Variants in NTRK3 observed in about 807,000 individuals in gnomAD.
NTRK3 encodes neurotrophic receptor tyrosine kinase 3, also known as NT-3 growth factor receptor.
NTRK3 carries 24 observed loss-of-function variants against 91.7 expected under a neutral mutation model. The observed-to-expected ratio is 0.26, with a 90% CI of 0.19 to 0.37. The LOEUF is 0.37. Ranked by LOEUF, NTRK3 falls within the 10% of genes least tolerant of loss-of-function variation. The probability of loss-of-function intolerance (pLI) is 1.00; values close to 1 mark genes in which losing one functional copy is unlikely to be tolerated. For synonymous variants in NTRK3, 483 were observed against 404.0 expected, an observed-to-expected ratio of 1.20 and a Z score of -2.34; for missense variants, 880 against 1,068.9, an observed-to-expected ratio of 0.82 and a Z score of 2.46.
At chr15:88,253,163 A>C (rs1479768557) in intron 3 of NTRK3, 2 of 152,228 alleles carry the variant, frequency 1.3e-5, no homozygotes, top group Non-Finnish European at 2.9e-5. Context: ...ACCAGCATCA[A>C]GAGCTTCAGG....
chr15:87,931,610 T>C (rs1219581837), intron 16 of NTRK3, among the ~76,000 whole-genome samples: 1 of 152,216 alleles, frequency 6.6e-6, no homozygotes, highest in Admixed American at 6.5e-5. Flanking sequence ...ATCTGTCTTA[T>C]GCTAAAGACA....
chr15:87,867,350 G>A, exon 19 of NTRK3: 1 of 228,706 alleles, frequency 4.4e-6, no homozygotes, highest in East Asian at 6.2e-5. Context: ...GTGGGGAGCA[G>A]GGAATGGACA....
At chr15:87,874,659 T>A (rs1436801752) in exon 19 of NTRK3, 2 of 232,594 alleles carry the variant, frequency 8.6e-6, no homozygotes, top group Non-Finnish European at 1.7e-5. Context: ...GCATTGGTGC[T>A]TCACTTCTAA....
At chr15:87,993,439 G>T (rs1238773716) in intron 14 of NTRK3, among the ~76,000 whole-genome samples, 1 of 152,190 alleles carries the variant, frequency 6.6e-6, no homozygotes, top group Non-Finnish European at 1.5e-5. Context: ...TGATGAAGAA[G>T]TTACTGAAGG....
intron 13 of NTRK3, among the ~76,000 whole-genome samples, chr15:88,052,309 A>G (rs959234824): frequency 1.3e-5 from 2 of 152,190 alleles, no homozygotes; most frequent in African/African-American, 4.8e-5. Context: ...CCATTTCTTA[A>G]TTTCCCAGTA....
chr15:87,894,825 C>CCTACTCTCT (rs2066028137), intron 17 of NTRK3, among the ~76,000 whole-genome samples: 1 of 152,184 alleles, frequency 6.6e-6, no homozygotes, highest in Non-Finnish European at 1.5e-5. Flanking sequence ...CTCCTCCTCC[C>CCTACTCTCT]CTGCTCTACT....
chr15:88,213,091 C>A (rs573319095), intron 3 of NTRK3, among the ~76,000 whole-genome samples: 1 of 152,356 alleles, frequency 6.6e-6, no homozygotes, highest in East Asian at 1.9e-4. Flanking sequence ...CTGACTGAGA[C>A]TAGCACAAAT....
At chr15:88,247,775 T>A (rs1399878103) in intron 3 of NTRK3, among the ~76,000 whole-genome samples, 7 of 152,158 alleles carry the variant, frequency 4.6e-5, no homozygotes. Flanking sequence ...GAAAGTTGTA[T>A]CTGTCTCCCA....
At chr15:87,940,485 A>T in intron 15 of NTRK3, 138 bp downstream of exon 15, 1 of 1,381,838 alleles carries the variant, frequency 7.2e-7, no homozygotes, top group Non-Finnish European at 1.0e-6. Flanking sequence ...AACTTCATTG[A>T]CCTCGGAGCA....
At chr15:88,209,063 T>C (rs958150338) in intron 3 of NTRK3, among the ~76,000 whole-genome samples, 2 of 152,198 alleles carry the variant, frequency 1.3e-5, no homozygotes, top group Non-Finnish European at 2.9e-5. Flanking sequence ...ATGGAAAAAC[T>C]ACTATTAGGC....
In NTRK3 at chr15:88,221,181, A is replaced by G. The variant is rs12438912; in HGVS notation, c.248+34725T>C. ...TATTGTGGAAAGTCTGGAAAAACTG[A>G]AAACATATAAAGAAAAGTAAAGTCA... On this transcript the variant is annotated intron_variant, in intron 3 of 18. Transcript: ENST00000394480. Among the ~76,000 whole-genome samples, 219 of 152,344 alleles carry G rather than the reference A, an allele frequency of 1.4e-3. 3 individuals carry two copies. The highest frequency in any genetic ancestry group is 0.013 in the Admixed American group (206 of 15,302).
chr15:88,135,941 C>T (rs761351571), exon 9 of NTRK3: 13 of 1,614,228 alleles, frequency 8.1e-6, no homozygotes, highest in South Asian at 7.7e-5. Flanking sequence ...ATGCCCACCA[C>T]GTTCTCTGCA....
chr15:87,949,656 G>A (rs2070907852), intron 14 of NTRK3, among the ~76,000 whole-genome samples: 1 of 152,098 alleles, frequency 6.6e-6, no homozygotes, highest in Non-Finnish European at 1.5e-5. Context: ...CCACCGCCAT[G>A]AGCTCAGACA....
exon 15 of NTRK3, chr15:87,940,689 T>G: frequency 6.2e-7 from 1 of 1,614,090 alleles, no homozygotes; most frequent in Admixed American, 1.7e-5. Flanking sequence ...GGAAGACCTT[T>G]CCAAAGGCTC....
At chr15:88,141,888 C>T (rs2042419382) in intron 6 of NTRK3, among the ~76,000 whole-genome samples, 1 of 152,222 alleles carries the variant, frequency 6.6e-6, no homozygotes, top group South Asian at 2.1e-4. Flanking sequence ...CTTACAGGAC[C>T]TGATCCAGCA....
At chr15:87,981,139 C>A in intron 14 of NTRK3, 1 of 1,547,158 alleles carries the variant, frequency 6.5e-7, no homozygotes, top group Non-Finnish European at 8.7e-7. Context: ...TATATGGAGG[C>A]TTGATGAGTC....
At chr15:88,171,467 G>A (rs1381427230) in intron 5 of NTRK3, among the ~76,000 whole-genome samples, 3 of 152,158 alleles carry the variant, frequency 2.0e-5, no homozygotes, top group Non-Finnish European at 4.4e-5. Flanking sequence ...CATACAGGGG[G>A]CAGAATCCCA....
intron 13 of NTRK3, among the ~76,000 whole-genome samples, chr15:88,109,867 C>T (rs1222916546): frequency 6.6e-6 from 1 of 152,184 alleles, no homozygotes; most frequent in Non-Finnish European, 1.5e-5. Flanking sequence ...TTACTCACAG[C>T]TTTTCTGAGT....
intron 13 of NTRK3, among the ~76,000 whole-genome samples, chr15:88,121,815 G>A (rs940679674): frequency 6.6e-6 from 1 of 152,196 alleles, no homozygotes; most frequent in Non-Finnish European, 1.5e-5. Context: ...CCACTCTGAA[G>A]CATTAGACTT....
Sources: gnomAD v4.1 joint callset for allele counts (sites outside exome capture counted in the v4.1 genomes callset) on GRCh38, gnomAD v4.1.1 for gene constraint, MANE v1.5 for transcripts, NCBI Gene and HGNC (gene_info 2026-07-23, HGNC 2026-07-21) for gene names.